Variants in KCNIP4 observed in about 807,000 individuals in gnomAD.
KCNIP4 encodes Kv channel-interacting protein 4.
Under a neutral mutation model 34.0 loss-of-function variants are expected in KCNIP4, and 12 were observed. That is an observed-to-expected ratio of 0.35 (90% confidence interval 0.23 to 0.57). The LOEUF (loss-of-function observed/expected upper bound fraction) is 0.57. Among genes scored for constraint, KCNIP4 ranks in the 20% least tolerant of loss-of-function variants. KCNIP4 has a pLI of 0.83. For missense variants in KCNIP4, 238 were observed against 311.7 expected, an observed-to-expected ratio of 0.76 and a Z score of 1.78; for synonymous variants, 124 against 102.2, an observed-to-expected ratio of 1.21 and a Z score of -1.29.
intron 1 of KCNIP4, among the ~76,000 whole-genome samples, chr4:21,093,848 C>T (rs891842745): frequency 6.6e-6 from 1 of 152,014 alleles, no homozygotes; most frequent in East Asian, 1.9e-4. Context: ...TTTGGGAGGC[C>T]ACGGCGGGAG....
chr4:20,817,260 T>A (rs539170041), intron 3 of KCNIP4, among the ~76,000 whole-genome samples: 58 of 152,328 alleles, frequency 3.8e-4, no homozygotes, highest in Non-Finnish European at 7.3e-4. Context: ...TCAAGCCAGC[T>A]TTCTAAGCAG....
intron 1 of KCNIP4, among the ~76,000 whole-genome samples, chr4:21,240,426 G>T: frequency 6.6e-6 from 1 of 152,012 alleles, no homozygotes; most frequent in East Asian, 1.9e-4. Context: ...AAGACAGGAG[G>T]ATTCCTGCAT....
At chr4:20,888,040 G>A (rs985301004) in intron 1 of KCNIP4, among the ~76,000 whole-genome samples, 19 of 151,648 alleles carry the variant, frequency 1.3e-4, no homozygotes, top group Non-Finnish European at 2.5e-4. Context: ...ATAAATGAAG[G>A]AGACATACTG....
At chr4:21,795,374 C>G (rs1045252795) in intron 1 of KCNIP4, among the ~76,000 whole-genome samples, 2 of 152,088 alleles carry the variant, frequency 1.3e-5, no homozygotes, top group Non-Finnish European at 2.9e-5. Context: ...CGTAAGCCAC[C>G]CAGTCTGTGG....
chr4:21,389,233 A>G (rs1022643620), intron 1 of KCNIP4, among the ~76,000 whole-genome samples: 26 of 152,170 alleles, frequency 1.7e-4, no homozygotes, highest in Non-Finnish European at 7.4e-5. Flanking sequence ...CATCTGCCTC[A>G]GTCTCCCAAA....
intron 1 of KCNIP4, among the ~76,000 whole-genome samples, chr4:21,153,507 G>A (rs1049456772): frequency 5.7e-5 from 4 of 70,084 alleles, no homozygotes; most frequent in South Asian, 4.1e-4. Context: ...ATATATATAT[G>A]TGTGTGTGTA....
At chr4:21,890,391 A>T (rs1260108329) in intron 1 of KCNIP4, among the ~76,000 whole-genome samples, 1 of 152,140 alleles carries the variant, frequency 6.6e-6, no homozygotes, top group Non-Finnish European at 1.5e-5. Flanking sequence ...CTCTCCTTGA[A>T]TCCCTTAAGT....
At chr4:21,910,507 AG>A (rs1336949207) in intron 1 of KCNIP4, among the ~76,000 whole-genome samples, 1 of 152,166 alleles carries the variant, frequency 6.6e-6, no homozygotes, top group Non-Finnish European at 1.5e-5. Context: ...CTCATTTAGG[AG>A]GATCTTGTGA....
At chr4:20,864,194 A>C (rs1441199189) in intron 2 of KCNIP4, among the ~76,000 whole-genome samples, 2 of 95,722 alleles carry the variant, frequency 2.1e-5, no homozygotes, top group Non-Finnish European at 4.8e-5. Context: ...ATGCGTACAT[A>C]TGTATGTACA....
At chr4:21,852,348 C>T (rs1342685717) in intron 1 of KCNIP4, 2 of 152,160 alleles carry the variant, frequency 1.3e-5, no homozygotes, top group Non-Finnish European at 2.9e-5. Context: ...AGGCAACTCA[C>T]AATCTCTGCT....
chr4:21,506,971 G>A (rs190715326), intron 1 of KCNIP4, among the ~76,000 whole-genome samples: 26 of 151,648 alleles, frequency 1.7e-4, no homozygotes, highest in Admixed American at 1.7e-3. Flanking sequence ...TTGTGTGTGT[G>A]CAGATGGAGT....
intron 1 of KCNIP4, among the ~76,000 whole-genome samples, chr4:21,256,221 A>T (rs1212785381): frequency 6.6e-6 from 1 of 152,194 alleles, no homozygotes; most frequent in Non-Finnish European, 1.5e-5. Flanking sequence ...CACTGCAAGT[A>T]CAAATTTCCT....
Position 21,942,966 on chromosome 4 carries a change from C to T in KCNIP4, c.61+5605G>A, listed in dbSNP as rs145117872. ...TAGAGAACGGGTTTCATCATGTTGG[C>T]CAGGCTGGTCTCAAACTCCTGACCT... On this transcript the variant is annotated intron_variant, in intron 1 of 8. Transcript: ENST00000382152. 8.5e-4 allele frequency among the ~76,000 whole-genome samples: 129 copies of T among 152,198 alleles called. 3 individuals are homozygous for T. In the East Asian group the frequency reaches 0.024, roughly 28 times the overall value.
chr4:21,067,501 T>G (rs1744505208), intron 1 of KCNIP4, among the ~76,000 whole-genome samples: 1 of 152,188 alleles, frequency 6.6e-6, no homozygotes, highest in Non-Finnish European at 1.5e-5. Context: ...TCTCTGGGTC[T>G]GCCCGGCATT....
intron 1 of KCNIP4, among the ~76,000 whole-genome samples, chr4:21,036,814 C>T (rs1257434203): frequency 1.3e-5 from 2 of 152,188 alleles, no homozygotes; most frequent in Non-Finnish European, 2.9e-5. Context: ...CATAATGATG[C>T]TTTGGTCAAC....
intron 3 of KCNIP4, among the ~76,000 whole-genome samples, chr4:20,844,245 T>A (rs1364731790): frequency 6.6e-6 from 1 of 152,188 alleles, no homozygotes; most frequent in Non-Finnish European, 1.5e-5. Flanking sequence ...CTGCATAGGC[T>A]TATAGGCAAT....
At position 21,106,563 on chromosome 4, in the gene KCNIP4, A is replaced by C. The variant is rs915605611; in HGVS notation, c.62-223854T>G. Among the ~76,000 whole-genome samples the C allele has an allele frequency of 4.4e-5, 6 of 137,390 alleles. 1 individual carries two copies. Among genetic ancestry groups the C allele is most frequent in the African/African-American group, 1.8e-4 (6 of 33,164 alleles). 90.1% of individuals were successfully genotyped at this position (137,390 alleles called of 152,430 possible). On this transcript the variant is annotated intron_variant, in intron 1 of 8. Transcript: ENST00000382152. ...CACAAAACCAGCTCCTGGATTCATT[A>C]ATTTTTTGAAGGGTTTTTTGTGTCT...
intron 1 of KCNIP4, among the ~76,000 whole-genome samples, chr4:21,482,407 T>C (rs1334618629): frequency 6.6e-5 from 10 of 152,162 alleles, no homozygotes; most frequent in African/African-American, 7.2e-5. Context: ...TTCCTAGCCT[T>C]GATGGTCTTT....
chr4:21,739,129 T>C (rs1055269886), intron 1 of KCNIP4, among the ~76,000 whole-genome samples: 3 of 152,072 alleles, frequency 2.0e-5, no homozygotes, highest in African/African-American at 7.2e-5. Flanking sequence ...ATAGACTTAT[T>C]GTAAAATTAG....
Sources: gnomAD v4.1 joint callset for allele counts (sites outside exome capture counted in the v4.1 genomes callset) on GRCh38, gnomAD v4.1.1 for gene constraint, MANE v1.5 for transcripts, NCBI Gene and HGNC (gene_info 2026-07-23, HGNC 2026-07-21) for gene names.